The following VPS35L variants were observed in gnomAD, a reference collection of about 807,000 sequenced individuals.
VPS35L encodes the protein VPS35 endosomal protein sorting factor like.
In VPS35L, 83 loss-of-function variants were observed where a neutral mutation model predicts 133.0. The ratio of observed to expected loss-of-function variants is 0.62; its 90% confidence interval spans 0.52 to 0.75. VPS35L has a LOEUF of 0.75. VPS35L is among the 30% of genes least tolerant of loss of function. VPS35L has a pLI of 0.00. For missense variants in VPS35L, 1,083 were observed against 1,206.8 expected (o/e 0.90, Z 1.52); for synonymous variants, 423 against 449.9 (o/e 0.94, Z 0.76).
In VPS35L at chr16:19,680,423, G is replaced by A. The variant is rs150140292; in HGVS notation, c.2362-1802G>A. On this transcript the variant is annotated intron_variant, in intron 27 of 30. Transcript: ENST00000417362. ...CCATCCACATTGAGTTCCTGGAGGC[G>A]CCATTAACAGAATACAGTGTGCAGC... is the stretch of plus-strand genomic sequence containing the variant. Among the ~76,000 whole-genome samples, 16 of 152,246 alleles carry A rather than the reference G, an allele frequency of 1.1e-4. No individual in the cohort carries two copies. The East Asian group carries it at 2.7e-3, about 26-fold the overall frequency.
rs370715531 is a variant in VPS35L, at chr16:19,573,168, C to T, written c.335C>T (p.Ser112Leu). 31 of 1,613,808 alleles carry T rather than the reference C, an allele frequency of 1.9e-5. No homozygotes were observed. In the Middle Eastern group the frequency reaches 4.9e-4, roughly 26 times the overall value. Residue 112 changes from serine (S) to leucine (L), a missense_variant, in exon 4 of 31, where the codon TCG becomes TTG. By Grantham distance (145) the Ser-to-Leu change is moderately radical. Coordinates refer to ENST00000417362, the MANE Select transcript of VPS35L (RefSeq NM_020314.7). Reference protein sequence around the residue: ...RDRDDNSVVGSDFEPWTNKRG... With the variant: ...RDRDDNSVVGLDFEPWTNKRG... ...AGAGATGATAACTCCGTTGTAGGAT[C>T]GGATTTTGAGCCTTGGACCAACAAA...
chr16:19,575,365 G>A (rs1268534691), intron 5 of VPS35L, among the ~76,000 whole-genome samples: 1 of 151,922 alleles, frequency 6.6e-6, no homozygotes, highest in African/African-American at 2.4e-5. Context: ...AGGAAGTTTG[G>A]TACCAGCCTG....
At chr16:19,652,264 A>G (rs1974156271) in intron 26 of VPS35L, 174 bp downstream of exon 26, 4 of 565,782 alleles carry the variant, frequency 7.1e-6, no homozygotes, top group Non-Finnish European at 1.3e-5. Flanking sequence ...GTAACCTCGA[A>G]CTCCTGGGCT....
intron 1 of VPS35L, among the ~76,000 whole-genome samples, chr16:19,564,019 C>T (rs1971105716): frequency 6.6e-6 from 1 of 152,166 alleles, no homozygotes; most frequent in African/African-American, 2.4e-5. Context: ...TAGTGAGTTT[C>T]CCTTTGTTCT....
In VPS35L at chr16:19,585,585, TG is replaced by T. The variant is rs61021922; in HGVS notation, c.639+3933del. Among the ~76,000 whole-genome samples the T allele has an allele frequency of 5.6e-3, 852 of 151,894 alleles. 9 individuals are homozygous for T. Among genetic ancestry groups the T allele is most frequent in the African/African-American group, 0.019 (790 of 41,396 alleles). On this transcript the variant is annotated intron_variant, in intron 7 of 30. Transcript: ENST00000417362. ...CCCAGTTTATTTAAAATTTTTTTTT[TG>T]TAGAGACAGGGCCATGCTGTGTTGC... is the stretch of plus-strand genomic sequence containing the variant.
chr16:19,663,394 C>A (rs986565601), intron 26 of VPS35L, among the ~76,000 whole-genome samples: 1 of 152,144 alleles, frequency 6.6e-6, no homozygotes, highest in Non-Finnish European at 1.5e-5. Flanking sequence ...CAATATTACA[C>A]CTAATAGTTT....
At chr16:19,630,613 C>T (rs1487863574) in intron 18 of VPS35L, among the ~76,000 whole-genome samples, 3 of 152,052 alleles carry the variant, frequency 2.0e-5, no homozygotes, top group African/African-American at 7.2e-5. Context: ...GGATTACAGG[C>T]GTGAGCCACC....
chr16:19,594,353 C>T (rs2151530898), intron 8 of VPS35L, among the ~76,000 whole-genome samples: 1 of 152,242 alleles, frequency 6.6e-6, no homozygotes, highest in South Asian at 2.1e-4. Context: ...GGATAAAAAT[C>T]CTTGCCTTGG....
intron 14 of VPS35L, among the ~76,000 whole-genome samples, chr16:19,622,173 C>A (rs1313113596): frequency 2.4e-5 from 3 of 125,950 alleles, no homozygotes; most frequent in Non-Finnish European, 4.9e-5. Context: ...AAGACGGAGT[C>A]CTGCTCTGTC....
chr16:19,609,786 T>C (rs1385834978), intron 11 of VPS35L, among the ~76,000 whole-genome samples: 1 of 152,160 alleles, frequency 6.6e-6, no homozygotes, highest in Non-Finnish European at 1.5e-5. Context: ...ACATGGGGGC[T>C]GAAGAAACAT....
chr16:19,657,402 A>G (rs866595973), intron 26 of VPS35L, among the ~76,000 whole-genome samples: 1 of 152,174 alleles, frequency 6.6e-6, no homozygotes, highest in Admixed American at 6.5e-5. Flanking sequence ...TCATGTCTTT[A>G]GAAAAACCAT....
intron 24 of VPS35L, among the ~76,000 whole-genome samples, chr16:19,650,152 G>A (rs1250187857): frequency 2.0e-5 from 3 of 152,160 alleles, no homozygotes; most frequent in African/African-American, 4.8e-5. Flanking sequence ...CATGACTGAC[G>A]TAGCCAACAC....
chr16:19,674,106 C>T (rs1023123221), intron 27 of VPS35L, among the ~76,000 whole-genome samples: 1 of 151,676 alleles, frequency 6.6e-6, no homozygotes, highest in African/African-American at 2.4e-5. Flanking sequence ...CACACCTGAG[C>T]CATGCCCATT....
chr16:19,696,327 G>A (rs1477111276), intron 29 of VPS35L, among the ~76,000 whole-genome samples: 1 of 152,206 alleles, frequency 6.6e-6, no homozygotes, highest in African/African-American at 2.4e-5. Flanking sequence ...TCCCCACTGA[G>A]TGGGGTGGGC....
intron 28 of VPS35L, among the ~76,000 whole-genome samples, chr16:19,685,148 C>T (rs747070297): frequency 2.6e-5 from 4 of 152,124 alleles, no homozygotes; most frequent in Non-Finnish European, 5.9e-5. Context: ...AGTGAACACT[C>T]GCAGGTAACC....
At chr16:19,620,115 C>T (rs1426428783) in intron 14 of VPS35L, among the ~76,000 whole-genome samples, 4 of 152,180 alleles carry the variant, frequency 2.6e-5, no homozygotes, top group African/African-American at 4.8e-5. Flanking sequence ...TTAGTCCGTT[C>T]GGGCTGCCAT....
At chr16:19,636,756 A>G (rs545985997) in intron 19 of VPS35L, among the ~76,000 whole-genome samples, 1 of 152,244 alleles carries the variant, frequency 6.6e-6, no homozygotes, top group Admixed American at 6.5e-5. Flanking sequence ...AGAGGTGGAG[A>G]GTTCTATTTT....
chr16:19,681,892 C>T (rs1043698952), intron 27 of VPS35L, among the ~76,000 whole-genome samples: 2 of 151,412 alleles, frequency 1.3e-5, no homozygotes, highest in Admixed American at 6.6e-5. Flanking sequence ...TTTTTTTTAA[C>T]TCCCACCACC....
Position 19,639,479 on chromosome 16 carries a change from A to G in VPS35L, c.1699-536A>G, listed in dbSNP as rs1195943134. Among the ~76,000 whole-genome samples the G allele has an allele frequency of 6.6e-6, 1 of 152,340 alleles. No homozygotes were observed. The highest frequency in any genetic ancestry group is 6.5e-5 in the Admixed American group (1 of 15,302). On this transcript the variant is annotated intron_variant, in intron 20 of 30. Coordinates refer to ENST00000417362, the MANE Select transcript of VPS35L (RefSeq NM_020314.7). This position sits in a 1 kb window ranked among gnomAD's most constrained non-coding sequence, Gnocchi z 4.1. ...AAAATGTTAACTGGTCCCAGCACCA[A>G]TCCCTGGAATGCATATAAGTTGTTT... is the stretch of plus-strand genomic sequence containing the variant.
Sources: allele counts gnomAD v4.1 joint callset (sites outside exome capture counted in the v4.1 genomes callset), GRCh38; gene constraint gnomAD v4.1.1; non-coding constraint Gnocchi (gnomAD v3.1); transcripts MANE v1.5; gene names NCBI Gene and HGNC (gene_info 2026-07-23, HGNC 2026-07-21).